Variants in SRPK2 observed in about 807,000 individuals in gnomAD.
SRPK2 encodes SRSF protein kinase 2, also known as SFRS protein kinase 2.
SRPK2 carries 21 observed loss-of-function variants against 90.8 expected under a neutral mutation model. The ratio of observed to expected loss-of-function variants is 0.23; its 90% CI spans 0.16 to 0.33. The LOEUF (loss-of-function observed/expected upper bound fraction) is 0.33. Among genes scored for constraint, SRPK2 ranks in the 10% least tolerant of loss-of-function variants. The probability of loss-of-function intolerance (pLI) is 1.00; values close to 1 mark genes in which losing one functional copy is unlikely to be tolerated. For synonymous variants in SRPK2, 288 were observed against 311.1 expected (o/e 0.93, Z 0.78); for missense variants, 620 against 869.0 (o/e 0.71, Z 3.60).
intron 2 of SRPK2, among the ~76,000 whole-genome samples, chr7:105,366,367 CT>C (rs34409221): frequency 0.015 from 2,134 of 139,328 alleles, 41 homozygotes; most frequent in African/African-American, 0.053. Context: ...ACAGGTATGC[CT>C]TTTTTTTTTT....
At chr7:105,370,456 T>C (rs1282115909) in intron 2 of SRPK2, among the ~76,000 whole-genome samples, 1 of 152,188 alleles carries the variant, frequency 6.6e-6, no homozygotes, top group Non-Finnish European at 1.5e-5. Context: ...GTCATCTAGA[T>C]GCTCCTTCTT....
intron 2 of SRPK2, among the ~76,000 whole-genome samples, chr7:105,253,857 A>T (rs3801280): frequency 6.6e-5 from 10 of 152,036 alleles, no homozygotes; most frequent in Non-Finnish European, 1.2e-4. Flanking sequence ...TTGAAAAGGT[A>T]AGGTTAGAGA....
rs150926682 is a variant in SRPK2, at chr7:105,197,412, G to A, written c.229+6216C>T. Among the ~76,000 whole-genome samples the A allele has an allele frequency of 1.3e-3, 203 of 152,240 alleles. 1 individual carries two copies. Among genetic ancestry groups the A allele is most frequent in the African/African-American group, 4.5e-3 (187 of 41,538 alleles). On this transcript the variant is annotated intron_variant, in intron 3 of 15. Transcript: ENST00000393651. ...GAACTATGGATGATTTTAAGAAAAC[G>A]TGAGGCAGAAACAAAGGCCCTATAT... is the stretch of plus-strand genomic sequence containing the variant.
chr7:105,141,306 A>G (rs1229864476), intron 11 of SRPK2, among the ~76,000 whole-genome samples: 1 of 152,182 alleles, frequency 6.6e-6, no homozygotes, highest in Non-Finnish European at 1.5e-5. Context: ...TTGTCAGTAG[A>G]GGGAGCAGAG....
chr7:105,239,691 T>C (rs1399604649), intron 2 of SRPK2, among the ~76,000 whole-genome samples: 3 of 152,194 alleles, frequency 2.0e-5, no homozygotes, highest in Admixed American at 6.5e-5. Context: ...TTAAAAATAA[T>C]ACTCCACAAT....
intron 2 of SRPK2, among the ~76,000 whole-genome samples, chr7:105,342,343 A>T (rs1371588088): frequency 1.3e-5 from 2 of 148,206 alleles, no homozygotes; most frequent in African/African-American, 2.5e-5. Flanking sequence ...AATAATAATA[A>T]TATTAATAAT....
intron 11 of SRPK2, among the ~76,000 whole-genome samples, chr7:105,133,929 T>G (rs1438674392): frequency 1.3e-5 from 2 of 152,096 alleles, no homozygotes; most frequent in Non-Finnish European, 2.9e-5. Context: ...ATCATGCCTG[T>G]ATCAAGCAGA....
At chr7:105,203,505 G>A in intron 3 of SRPK2, 123 bp downstream of exon 3, 1 of 1,050,892 alleles carries the variant, frequency 9.5e-7, no homozygotes, top group Non-Finnish European at 1.3e-6. Context: ...ACACAAGGAG[G>A]CTAATTTAAT....
intron 7 of SRPK2, among the ~76,000 whole-genome samples, chr7:105,148,368 A>C (rs936620515): frequency 6.6e-6 from 1 of 152,246 alleles, no homozygotes; most frequent in African/African-American, 2.4e-5. Flanking sequence ...CAAGATATTC[A>C]TATTTCTCAT....
intron 2 of SRPK2, among the ~76,000 whole-genome samples, chr7:105,297,172 T>C (rs1023715525): frequency 4.6e-5 from 7 of 152,190 alleles, no homozygotes; most frequent in African/African-American, 1.4e-4. Context: ...GTCAATTTTA[T>C]TAGGTTGGTG....
intron 2 of SRPK2, among the ~76,000 whole-genome samples, chr7:105,266,901 G>C (rs1182070782): frequency 6.6e-6 from 1 of 152,130 alleles, no homozygotes; most frequent in Non-Finnish European, 1.5e-5. Context: ...GCAAGGGAGA[G>C]TACCTTCTTG....
At chr7:105,204,392 G>GGT (rs145721545) in intron 2 of SRPK2, among the ~76,000 whole-genome samples, 169 of 151,732 alleles carry the variant, frequency 1.1e-3, no homozygotes, top group African/African-American at 3.1e-3. Flanking sequence ...TTCTGGAAGC[G>GGT]GTGTGTGTGT....
intron 2 of SRPK2, among the ~76,000 whole-genome samples, chr7:105,303,895 G>T (rs144238396): frequency 5.6e-4 from 86 of 152,308 alleles, no homozygotes; most frequent in African/African-American, 1.9e-3. Context: ...AAGTGATAAA[G>T]AGCAGTTACA....
At chr7:105,343,956 G>T (rs369474165) in intron 2 of SRPK2, among the ~76,000 whole-genome samples, 174 of 152,116 alleles carry the variant, frequency 1.1e-3, no homozygotes, top group Middle Eastern at 3.4e-3. Flanking sequence ...AGAGACGGGG[G>T]TTTCATCATG....
At chr7:105,234,896 G>T (rs932445074) in intron 2 of SRPK2, among the ~76,000 whole-genome samples, 1 of 152,246 alleles carries the variant, frequency 6.6e-6, no homozygotes, top group Non-Finnish European at 1.5e-5. Context: ...TCCACAAGAA[G>T]AAAGAGGTGT....
chr7:105,384,520 T>C lies in SRPK2; in HGVS notation c.71+4128A>G, dbSNP rs922638166. On this transcript the variant is annotated intron_variant, in intron 2 of 15. Transcript: ENST00000393651. ...AAAAGTAGATAATGACAAAAGTAAA[T>C]CATATTATACCAAGCCAGACCCACA... Among the ~76,000 whole-genome samples, 17 of 152,158 alleles carry C rather than the reference T, an allele frequency of 1.1e-4. No homozygotes were observed. In the East Asian group the frequency reaches 3.1e-3, roughly 28 times the overall value.
chr7:105,310,550 G>A (rs886310731), intron 2 of SRPK2, among the ~76,000 whole-genome samples: 6 of 152,204 alleles, frequency 3.9e-5, no homozygotes, highest in African/African-American at 1.4e-4. Flanking sequence ...AGACTAAGGA[G>A]AGAGGATTGT....
chr7:105,214,281 A>C (rs1312004029), intron 2 of SRPK2, among the ~76,000 whole-genome samples: 1 of 152,210 alleles, frequency 6.6e-6, no homozygotes, highest in African/African-American at 2.4e-5. Flanking sequence ...ATAAGTAGTA[A>C]GGTTAGCTGA....
chr7:105,118,099 T>C lies in SRPK2; in HGVS notation c.1916-77A>G, dbSNP rs1021581879. On this transcript the variant is annotated intron_variant, in intron 15 of 15. Transcript: ENST00000393651. ...CCATTGTTGGTCCAGTCAGGTTCTT[T>C]TCAGTGAAGCGGACAACCACCTGCT... 2.6e-6 allele frequency: 4 copies of C among 1,519,466 alleles called. No individual in the cohort carries two copies. The African/African-American group carries it at 4.2e-5, about 16-fold the overall frequency. The allele number at this position is 1,519,466 out of a possible 1,614,324, so 94.1% of individuals were successfully genotyped here. A position where few individuals can be genotyped will look rare whatever the true frequency, so the allele number is the denominator to read the frequency against.
Sources: allele counts gnomAD v4.1 joint callset (sites outside exome capture counted in the v4.1 genomes callset), GRCh38; gene constraint gnomAD v4.1.1; transcripts MANE v1.5; gene names NCBI Gene and HGNC (gene_info 2026-07-23, HGNC 2026-07-21).